Variants in TAFA1 observed in about 807,000 individuals in gnomAD.
The protein encoded by TAFA1 is TAFA chemokine like family member 1, also known as chemokine-like protein TAFA-1.
TAFA1 carries 4 observed loss-of-function variants against 18.5 expected under a neutral mutation model. That is an observed-to-expected ratio of 0.22 (90% CI 0.11 to 0.49). TAFA1 has a LOEUF of 0.49. Ranked by LOEUF, TAFA1 falls within the 20% of genes least tolerant of loss-of-function variation. The pLI is 0.98. For synonymous variants in TAFA1, 56 were observed against 55.2 expected, an observed-to-expected ratio of 1.01 and a Z score of -0.06; for missense variants, 147 against 169.0, an observed-to-expected ratio of 0.87 and a Z score of 0.72.
chr3:68,450,347 G>C (rs1345255750), intron 3 of TAFA1, among the ~76,000 whole-genome samples: 1 of 152,164 alleles, frequency 6.6e-6, no homozygotes, highest in Non-Finnish European at 1.5e-5. Context: ...ATAAAGTTGG[G>C]ACATATATTT....
chr3:68,330,985 G>C (rs1455445668), intron 2 of TAFA1, among the ~76,000 whole-genome samples: 1 of 151,922 alleles, frequency 6.6e-6, no homozygotes, highest in East Asian at 1.9e-4. Flanking sequence ...AATTTTTACA[G>C]AATGTTCACA....
intron 2 of TAFA1, among the ~76,000 whole-genome samples, chr3:68,365,902 T>G (rs922011481): frequency 2.6e-5 from 4 of 151,916 alleles, no homozygotes; most frequent in Non-Finnish European, 5.9e-5. Flanking sequence ...CCAGCCAACA[T>G]AGTGAAACTG....
At chr3:68,358,455 CTG>C (rs111730545) in intron 2 of TAFA1, among the ~76,000 whole-genome samples, 2 of 152,038 alleles carry the variant, frequency 1.3e-5, no homozygotes, top group African/African-American at 4.8e-5. Context: ...GGCAGGGAAA[CTG>C]AAGCTTGAGA....
At chr3:68,485,469 G>T (rs1213320150) in intron 3 of TAFA1, among the ~76,000 whole-genome samples, 1 of 152,108 alleles carries the variant, frequency 6.6e-6, no homozygotes, top group African/African-American at 2.4e-5. Flanking sequence ...TTAGATGAGT[G>T]TACCTGATGA....
intron 2 of TAFA1, among the ~76,000 whole-genome samples, chr3:68,208,292 A>T (rs1215897443): frequency 6.6e-6 from 1 of 151,796 alleles, no homozygotes; most frequent in Non-Finnish European, 1.5e-5. Flanking sequence ...CGTCGTGTTG[A>T]TTGGAGTCGT....
chr3:68,195,839 CTT>C (rs1338600801), intron 2 of TAFA1, among the ~76,000 whole-genome samples: 1 of 150,846 alleles, frequency 6.6e-6, no homozygotes, highest in Non-Finnish European at 1.5e-5. Flanking sequence ...TCATATATGT[CTT>C]TGTATTTCCT....
At chr3:68,283,498 C>T (rs1271470551) in intron 2 of TAFA1, among the ~76,000 whole-genome samples, 14 of 152,076 alleles carry the variant, frequency 9.2e-5, no homozygotes, top group Admixed American at 8.5e-4. Flanking sequence ...GATAAAACAC[C>T]ATGACTTTAC....
At chr3:68,537,129 A>G (rs1398833095) in intron 3 of TAFA1, among the ~76,000 whole-genome samples, 1 of 152,152 alleles carries the variant, frequency 6.6e-6, no homozygotes, top group Non-Finnish European at 1.5e-5. Context: ...TTCATTGAAT[A>G]GAAATAGTGC....
chr3:68,008,030 AG>A (rs1704397690), intron 2 of TAFA1, among the ~76,000 whole-genome samples: 1 of 152,154 alleles, frequency 6.6e-6, no homozygotes, highest in South Asian at 2.1e-4. Flanking sequence ...CCCCGGGAGA[AG>A]GGGTGGGGCT....
At chr3:68,203,009 C>T (rs2066485589) in intron 2 of TAFA1, among the ~76,000 whole-genome samples, 2 of 151,696 alleles carry the variant, frequency 1.3e-5, no homozygotes, top group African/African-American at 4.8e-5. Context: ...CTAATTCCCT[C>T]AGTTTGTGGT....
At chr3:68,381,566 CTGTT>C (rs1359690958) in intron 2 of TAFA1, among the ~76,000 whole-genome samples, 3 of 152,216 alleles carry the variant, frequency 2.0e-5, no homozygotes, top group East Asian at 1.9e-4. Flanking sequence ...ATTTGGCTCT[CTGTT>C]TGTCTGTTAT....
chr3:68,050,633 G>A (rs903087935), intron 2 of TAFA1, among the ~76,000 whole-genome samples: 2 of 152,094 alleles, frequency 1.3e-5, no homozygotes, highest in Admixed American at 6.6e-5. Context: ...TAAGAGCCTC[G>A]ATCCCAGATA....
chr3:68,287,212 T>A (rs755206826), intron 2 of TAFA1, among the ~76,000 whole-genome samples: 2 of 152,172 alleles, frequency 1.3e-5, no homozygotes, highest in African/African-American at 4.8e-5. Flanking sequence ...ACCGCGTGTG[T>A]AATGGAAAAG....
chr3:68,218,075 T>A (rs896476266), intron 2 of TAFA1, among the ~76,000 whole-genome samples: 2 of 152,106 alleles, frequency 1.3e-5, no homozygotes, highest in Non-Finnish European at 2.9e-5. Context: ...ACACAATATG[T>A]TTCCTGGAGA....
At chr3:68,438,907 G>T (rs767332814) in intron 3 of TAFA1, among the ~76,000 whole-genome samples, 3 of 152,044 alleles carry the variant, frequency 2.0e-5, no homozygotes, top group African/African-American at 4.8e-5. Context: ...GCAAAGTGTC[G>T]TGGTATCCCT....
chr3:68,143,237 C>G (rs903624593), intron 2 of TAFA1, among the ~76,000 whole-genome samples: 1 of 152,032 alleles, frequency 6.6e-6, no homozygotes, highest in Non-Finnish European at 1.5e-5. Context: ...AGAGATTAAC[C>G]ATATATAGTT....
At chr3:68,049,639 T>C (rs1178665763) in intron 2 of TAFA1, among the ~76,000 whole-genome samples, 1 of 151,574 alleles carries the variant, frequency 6.6e-6, no homozygotes, top group African/African-American at 2.4e-5. Flanking sequence ...TTGAGGCTGG[T>C]AGTGGAGCAC....
chr3:68,456,609 A>G (rs187665267), intron 3 of TAFA1, among the ~76,000 whole-genome samples: 164 of 152,272 alleles, frequency 1.1e-3, no homozygotes, highest in Non-Finnish European at 1.9e-3. Context: ...TTACGCTGTC[A>G]GGTAATGACT....
chr3:68,221,261 A>C (rs573744081), intron 2 of TAFA1, among the ~76,000 whole-genome samples: 38 of 152,150 alleles, frequency 2.5e-4, no homozygotes, highest in South Asian at 8.3e-4. Flanking sequence ...GATAAAGAAA[A>C]CTGGGACCCA....
Sources: allele counts gnomAD v4.1 joint callset (sites outside exome capture counted in the v4.1 genomes callset), GRCh38; gene constraint gnomAD v4.1.1; transcripts MANE v1.5; gene names NCBI Gene and HGNC (gene_info 2026-07-23, HGNC 2026-07-21).